Variants in TBCK observed in about 807,000 individuals in gnomAD.
The protein encoded by TBCK is TBC domain-containing protein kinase-like protein.
Under a neutral mutation model 113.4 loss-of-function variants are expected in TBCK, and 99 were observed. The ratio of observed to expected loss-of-function variants is 0.87; its 90% CI spans 0.74 to 1.03. The LOEUF (loss-of-function observed/expected upper bound fraction) is 1.03, where lower values mean the gene tolerates loss of function less well. Ranked by LOEUF, TBCK falls within the 50% of genes least tolerant of loss-of-function variation. TBCK has a pLI of 0.00. For missense variants in TBCK, 1,045 were observed against 1,061.3 expected, an observed-to-expected ratio of 0.98 and a Z score of 0.21; for synonymous variants, 369 against 370.8, an observed-to-expected ratio of 1.00 and a Z score of 0.05.
chr4:106,125,426 G>T (rs952285741), intron 23 of TBCK, among the ~76,000 whole-genome samples: 1 of 152,022 alleles, frequency 6.6e-6, no homozygotes, highest in African/African-American at 2.4e-5. Flanking sequence ...CGAGTGAGGT[G>T]GCCCATGCTT....
intron 19 of TBCK, among the ~76,000 whole-genome samples, chr4:106,226,647 G>A (rs989969933): frequency 2.6e-4 from 40 of 151,942 alleles, no homozygotes; most frequent in African/African-American, 8.9e-4. Context: ...CTTTTTATAC[G>A]GCACAAATAC....
rs187402005 is a variant in TBCK, at chr4:106,045,319, T to C, written c.*1251A>G. ...GCCTCCCAGGGAATGTGTCTTTTAA[T>C]TGACAAAGTGTCACAATTCATTTGG... is the stretch of plus-strand genomic sequence containing the variant. On this transcript the variant is annotated 3_prime_UTR_variant, in exon 26 of 26. Coordinates refer to ENST00000394708, the MANE Select transcript of TBCK (RefSeq NM_001163435.3). 3.3e-5 allele frequency: 5 copies of C among 152,192 alleles called. No homozygotes were observed. The highest frequency in any genetic ancestry group is 1.2e-4 in the African/African-American group (5 of 41,524). The allele number at this position is 152,192 out of a possible 1,614,324, so 9.4% of individuals were successfully genotyped here. A position where few individuals can be genotyped will look rare whatever the true frequency, so the allele number is the denominator to read the frequency against.
intron 19 of TBCK, among the ~76,000 whole-genome samples, chr4:106,217,827 A>C (rs1366970866): frequency 4.0e-5 from 6 of 149,444 alleles, no homozygotes; most frequent in South Asian, 4.5e-4. Context: ...CTATCCCCAT[A>C]AAGCTACCAA....
At chr4:106,301,628 T>C (rs779254985) in intron 2 of TBCK, among the ~76,000 whole-genome samples, 13 of 152,196 alleles carry the variant, frequency 8.5e-5, no homozygotes, top group Non-Finnish European at 7.4e-5. Flanking sequence ...GAATGATCTA[T>C]AGAAAACAGT....
chr4:106,212,581 A>G (rs939056849), intron 20 of TBCK, among the ~76,000 whole-genome samples, 169 bp downstream of exon 20: 4 of 152,206 alleles, frequency 2.6e-5, no homozygotes, highest in African/African-American at 7.2e-5. Flanking sequence ...CTTAAGGTGG[A>G]AATATGGAAA....
At chr4:106,305,020 T>C (rs777213595) in intron 2 of TBCK, among the ~76,000 whole-genome samples, 11 of 152,198 alleles carry the variant, frequency 7.2e-5, no homozygotes, top group Non-Finnish European at 1.6e-4. Flanking sequence ...TGAGTTGCAT[T>C]TCTTTGTGAA....
rs546182514 is a variant in TBCK, at chr4:106,187,368, G to A, written c.2059+6241C>T. Among the ~76,000 whole-genome samples the A allele has an allele frequency of 1.4e-4, 21 of 152,024 alleles. No homozygotes were observed. In the East Asian group the frequency reaches 4.1e-3, roughly 29 times the overall value. On this transcript the variant is annotated intron_variant, in intron 22 of 25. Coordinates refer to ENST00000394708, the MANE Select transcript of TBCK (RefSeq NM_001163435.3). ...AACAACATTGATTCTTCTGATCCAT[G>A]AGCATGGAATGTTTTTCCATTTGTT...
chr4:106,300,491 T>C (rs775313199), intron 2 of TBCK, among the ~76,000 whole-genome samples: 4 of 152,226 alleles, frequency 2.6e-5, no homozygotes, highest in African/African-American at 2.4e-5. Context: ...GCATCACTTT[T>C]GTTATTAACA....
intron 3 of TBCK, among the ~76,000 whole-genome samples, chr4:106,264,047 ACT>A (rs1411903159): frequency 2.6e-5 from 4 of 151,830 alleles, no homozygotes; most frequent in African/African-American, 9.7e-5. Context: ...AATATAACTA[ACT>A]CTTCATTCTG....
intron 23 of TBCK, among the ~76,000 whole-genome samples, chr4:106,132,788 G>A (rs986315881): frequency 6.6e-6 from 1 of 152,236 alleles, no homozygotes; most frequent in Non-Finnish European, 1.5e-5. Context: ...AAGACATGGA[G>A]TCAAAGGAGA....
At position 106,250,403 on chromosome 4, in the gene TBCK, T is replaced by G. The variant is rs755687647; in HGVS notation, c.658+15A>C. On this transcript the variant is annotated intron_variant, in intron 7 of 25. Transcript: ENST00000394708. ...ATATTTATATTTGAAAGATAAGCAA[T>G]TGTACGACACTTACCCAAAGTAAGC... 2 of 1,508,482 alleles carry G rather than the reference T, an allele frequency of 1.3e-6. No homozygotes were observed. Among genetic ancestry groups the G allele is most frequent in the East Asian group, 4.6e-5 (2 of 43,682 alleles). The allele number at this position is 1,508,482 out of a possible 1,614,324, so 93.4% of individuals were successfully genotyped here.
chr4:106,298,662 G>C (rs114899199), intron 2 of TBCK, among the ~76,000 whole-genome samples: 2 of 151,994 alleles, frequency 1.3e-5, no homozygotes, highest in Non-Finnish European at 2.9e-5. Flanking sequence ...GTGAAAAGGT[G>C]AAAGTTCTCG....
rs199502033 is a variant in TBCK at position 106,244,761 on chromosome 4, A to G, written c.935T>C (p.Ile312Thr). The G allele has an allele frequency of 3.5e-5, 55 of 1,570,216 alleles. No individual in the cohort carries two copies. ...PEDISQLCKD[I>T]NNDYLAERSI... ...TCTTTCTGCCAGGTAATCATTATTT[A>G]TATCTATTAAAAGCAAATTTAAGGA... Residue 312 changes from isoleucine to threonine, a missense_variant, in exon 11 of 26, where the codon ATA becomes ACA. By Grantham distance (89) the Ile-to-Thr change is moderately conservative. Transcript: ENST00000394708.
chr4:106,076,326 G>A lies in TBCK; in HGVS notation c.2571+19156C>T, dbSNP rs566757067. 2.6e-4 allele frequency among the ~76,000 whole-genome samples: 39 copies of A among 152,276 alleles called. No homozygotes were observed. The South Asian group carries it at 7.9e-3, about 31-fold the overall frequency. The stretch of plus-strand genomic sequence containing the variant: ...ACCTAAACATGTGATTTTACATAGT[G>A]TATCTGCACTATAATTGAAAGTTGA... On this transcript the variant is annotated intron_variant, in intron 25 of 25. Coordinates refer to ENST00000394708, the MANE Select transcript of TBCK (RefSeq NM_001163435.3).
intron 25 of TBCK, among the ~76,000 whole-genome samples, chr4:106,092,734 A>G (rs909694569): frequency 1.1e-4 from 17 of 152,188 alleles, no homozygotes; most frequent in African/African-American, 3.9e-4. Flanking sequence ...ACTGGCCTGC[A>G]AGCAATGTGC....
At position 106,043,720 on chromosome 4, in the gene TBCK, T is replaced by C. The variant is rs1291329694; in HGVS notation, c.*2850A>G. The stretch of plus-strand genomic sequence containing the variant: ...TGCTAGATTATCAAGAGTTAATAAG[T>C]GTGTTTATGAATGTGAGTGTGTGTG... On this transcript the variant is annotated 3_prime_UTR_variant, in exon 26 of 26. Transcript: ENST00000394708. The C allele has an allele frequency of 6.7e-6, 1 of 150,282 alleles. No individual in the cohort carries two copies. Among genetic ancestry groups the C allele is most frequent in the East Asian group, 2.0e-4 (1 of 5,044 alleles). The allele number at this position is 150,282 out of a possible 1,614,324, so 9.3% of individuals were successfully genotyped here. A position where few individuals can be genotyped will look rare whatever the true frequency, so the allele number is the denominator to read the frequency against.
chr4:106,260,603 A>G (rs1378859971), intron 4 of TBCK, 93 bp from the exon 5 acceptor site: 5 of 417,820 alleles, frequency 1.2e-5, no homozygotes, highest in Non-Finnish European at 2.1e-5. Flanking sequence ...TACATTTTAT[A>G]ACTAAAGAAA....
At chr4:106,314,616 A>ATTTT (rs869091052) in intron 1 of TBCK, among the ~76,000 whole-genome samples, 15 of 102,062 alleles carry the variant, frequency 1.5e-4, no homozygotes, top group African/African-American at 2.1e-4. Context: ...ATACTACTTG[A>ATTTT]TTTTTTTTTT....
Position 106,124,745 on chromosome 4 carries a change from G to T in TBCK, c.2236-8367C>A, listed in dbSNP as rs532476695. Among the ~76,000 whole-genome samples, 27 of 151,728 alleles carry T rather than the reference G, an allele frequency of 1.8e-4. No homozygotes were observed. The South Asian group carries it at 5.4e-3, about 30-fold the overall frequency. On this transcript the variant is annotated intron_variant, in intron 23 of 25. Coordinates refer to ENST00000394708, the MANE Select transcript of TBCK (RefSeq NM_001163435.3). Reference sequence around the variant, plus strand: ...AAATCATCATTTTCAGTAAACTATCGCAAGAACAAAAAACCAAACACCGCA... The same window carrying T: ...AAATCATCATTTTCAGTAAACTATCTCAAGAACAAAAAACCAAACACCGCA...
Sources: allele counts gnomAD v4.1 joint callset (sites outside exome capture counted in the v4.1 genomes callset), GRCh38; gene constraint gnomAD v4.1.1; transcripts MANE v1.5; gene names NCBI Gene and HGNC (gene_info 2026-07-23, HGNC 2026-07-21).